Variants in KLF7 observed in about 807,000 individuals in gnomAD.
KLF7 encodes the protein KLF transcription factor 7, also known as Krueppel-like factor 7.
A neutral mutation model predicts 27.3 loss-of-function variants in KLF7; 2 were observed. The observed-to-expected ratio is 0.07, with a 90% CI of 0.03 to 0.23. The LOEUF (loss-of-function observed/expected upper bound fraction) is 0.23. Among genes scored for constraint, KLF7 ranks in the 10% least tolerant of loss-of-function variants. KLF7 has a pLI of 1.00. For synonymous variants in KLF7, 165 were observed against 162.4 expected, an observed-to-expected ratio of 1.02 and a Z score of -0.12; for missense variants, 221 against 394.1, an observed-to-expected ratio of 0.56 and a Z score of 3.72.
At chr2:207,169,780 G>A (rs1193321664), upstream of KLF7, among the ~76,000 whole-genome samples, 3 of 151,728 alleles carry the variant, frequency 2.0e-5, no homozygotes, top group South Asian at 6.3e-4. Context: ...CAGTTATTTC[G>A]GTTTTACCAT....
chr2:207,134,153 G>GTT (rs780914126), intron 1 of KLF7: 25 of 1,297,360 alleles, frequency 1.9e-5, no homozygotes, highest in South Asian at 3.2e-5. Context: ...GGGCTACTGG[G>GTT]ATTTTTTTTT....
chr2:207,100,002 C>T (rs148831570), intron 2 of KLF7, among the ~76,000 whole-genome samples: 1,989 of 152,148 alleles, frequency 0.013, 21 homozygotes, highest in Non-Finnish European at 0.022. Context: ...TGGTGGTGCA[C>T]GCCTGTAGTC....
upstream of KLF7, chr2:207,166,958 C>G: frequency 1.2e-6 from 1 of 844,346 alleles, no homozygotes; most frequent in African/African-American, 1.8e-5. Flanking sequence ...CCGCCGCCCT[C>G]CCTCCCGCGC....
At chr2:207,149,128 A>T (rs768049564) in intron 1 of KLF7, 11 of 1,285,892 alleles carry the variant, frequency 8.6e-6, no homozygotes, top group Non-Finnish European at 1.1e-5. Flanking sequence ...AGTCCCACCC[A>T]GTCATGTTGA....
intron 2 of KLF7, among the ~76,000 whole-genome samples, chr2:207,107,009 C>T (rs2076899286): frequency 6.6e-6 from 1 of 152,140 alleles, no homozygotes; most frequent in South Asian, 2.1e-4. Context: ...GTTCTCATGC[C>T]TAAGATGGGA....
intron 1 of KLF7, among the ~76,000 whole-genome samples, chr2:207,160,939 T>G (rs975737337): frequency 3.3e-5 from 5 of 152,228 alleles, no homozygotes; most frequent in African/African-American, 1.2e-4. Flanking sequence ...AACATCCCAT[T>G]CTCCTCAGGG....
intron 1 of KLF7, among the ~76,000 whole-genome samples, chr2:207,159,313 G>A (rs750377152): frequency 6.6e-6 from 1 of 152,170 alleles, no homozygotes; most frequent in Non-Finnish European, 1.5e-5. Flanking sequence ...TTGGCTGAAA[G>A]CTTTTTCACA....
At chr2:207,095,031 C>CT (rs36091471) in intron 2 of KLF7, among the ~76,000 whole-genome samples, 54,402 of 82,446 alleles carry the variant, frequency 0.66, 19,499 homozygotes, top group Non-Finnish European at 0.71. Context: ...TGTTTTTATT[C>CT]TTTTTTTTTT....
At chr2:207,161,705 G>A (rs2078553273) in intron 1 of KLF7, among the ~76,000 whole-genome samples, 2 of 152,112 alleles carry the variant, frequency 1.3e-5, no homozygotes, top group Non-Finnish European at 2.9e-5. Flanking sequence ...TATACCAAAG[G>A]CCCTCATAAA....
intron 1 of KLF7, among the ~76,000 whole-genome samples, chr2:207,160,560 C>T (rs2078517022): frequency 6.6e-6 from 1 of 150,784 alleles, no homozygotes; most frequent in Non-Finnish European, 1.5e-5. Context: ...TCAACTTGAG[C>T]CAGATGGGAC....
chr2:207,120,024 C>A (rs1033831292), intron 2 of KLF7, among the ~76,000 whole-genome samples: 1 of 152,162 alleles, frequency 6.6e-6, no homozygotes. Context: ...CTTCCTTTCA[C>A]TAAATCCTGC....
intron 2 of KLF7, among the ~76,000 whole-genome samples, chr2:207,119,649 A>G (rs975316975): frequency 6.6e-6 from 1 of 152,152 alleles, no homozygotes; most frequent in Non-Finnish European, 1.5e-5. Flanking sequence ...ACATTTTTAC[A>G]CTCATGCCAA....
intron 2 of KLF7, chr2:207,109,921 T>C (rs377421790): frequency 2.6e-5 from 4 of 154,924 alleles, no homozygotes; most frequent in South Asian, 2.0e-4. Flanking sequence ...GATAAGCTAA[T>C]ACATGTAAAA....
At chr2:207,126,659 C>A (rs1046166692) in intron 1 of KLF7, among the ~76,000 whole-genome samples, 1 of 152,114 alleles carries the variant, frequency 6.6e-6, no homozygotes, top group African/African-American at 2.4e-5. Flanking sequence ...GAAAATTTGC[C>A]GGGCGCAGTG....
At chr2:207,145,841 C>T (rs1408029454) in intron 1 of KLF7, among the ~76,000 whole-genome samples, 1 of 151,864 alleles carries the variant, frequency 6.6e-6, no homozygotes, top group Non-Finnish European at 1.5e-5. Context: ...CAGAAGGACC[C>T]CAGGAAAGGA....
At chr2:207,148,911 CT>C (rs755461579) in intron 1 of KLF7, 3 of 690,260 alleles carry the variant, frequency 4.3e-6, no homozygotes, top group Non-Finnish European at 5.6e-6. Context: ...CCTATCACCC[CT>C]CCACCCTCAC....
At chr2:207,115,178 C>CAA (rs373367434) in intron 2 of KLF7, among the ~76,000 whole-genome samples, 2,853 of 136,762 alleles carry the variant, frequency 0.021, 89 homozygotes, top group African/African-American at 0.071. Flanking sequence ...ATGTCAGTTG[C>CAA]AAAAAAAAAA....
intron 3 of KLF7, among the ~76,000 whole-genome samples, chr2:207,087,996 G>A (rs866924260): frequency 2.0e-5 from 3 of 152,022 alleles, no homozygotes; most frequent in Non-Finnish European, 4.4e-5. Flanking sequence ...TCCAATAATG[G>A]GTTCAGAGAA....
intron 1 of KLF7, among the ~76,000 whole-genome samples, chr2:207,158,591 T>C (rs2078454883): frequency 6.6e-6 from 1 of 152,120 alleles, no homozygotes; most frequent in African/African-American, 2.4e-5. Context: ...ATACTCCCAC[T>C]CCATTTGTTA....
Sources: gnomAD v4.1 joint callset for allele counts (sites outside exome capture counted in the v4.1 genomes callset) on GRCh38, gnomAD v4.1.1 for gene constraint, MANE v1.5 for transcripts, NCBI Gene and HGNC (gene_info 2026-07-23, HGNC 2026-07-21) for gene names.